Variants in ZNF71 observed in about 807,000 individuals in gnomAD.
ZNF71 encodes zinc finger protein 71.
In ZNF71, 3 loss-of-function variants were observed where a neutral mutation model predicts 6.7. The observed-to-expected ratio is 0.45, with a 90% CI of 0.20 to 1.16. The LOEUF is 1.16. ZNF71 is among the 50% of genes most tolerant of loss of function. The probability of loss-of-function intolerance (pLI) is 0.25; values close to 1 mark genes in which losing one functional copy is unlikely to be tolerated. For missense variants in ZNF71, 688 were observed against 728.6 expected (o/e 0.94, Z 0.64); for synonymous variants, 343 against 311.1 (o/e 1.10, Z -1.08).
chr19:56,600,864 G>A (rs1211457056), intron 1 of ZNF71, among the ~76,000 whole-genome samples: 2 of 152,120 alleles, frequency 1.3e-5, no homozygotes, highest in East Asian at 1.9e-4. Flanking sequence ...TTCTCTAGGC[G>A]AATCTGGCTC....
In ZNF71 at chr19:56,622,202, G is replaced by A. The variant is rs1282565243; in HGVS notation, c.1095G>A (p.Lys365=). 19 of 1,613,938 alleles carry A rather than the reference G, an allele frequency of 1.2e-5. No individual in the cohort carries two copies. Among genetic ancestry groups the A allele is most frequent in the Non-Finnish European group, 1.6e-5 (19 of 1,179,930 alleles). ...EKPYACKECG[K]AFNKSSSLTL... ...CGTACGCCTGCAAGGAGTGCGGCAA[G>A]GCCTTCAACAAGAGCTCCTCGCTCA... Residue 365 remains lysine, a synonymous_variant, in exon 4 of 4, where the codon AAG becomes AAA. Transcript: ENST00000599599.
chr19:56,621,572 C>T lies in ZNF71; in HGVS notation c.465C>T (p.Asp155=). Residue 155 remains aspartate (D), a synonymous_variant, in exon 4 of 4, where the codon GAC becomes GAT. Coordinates refer to ENST00000599599, the MANE Select transcript of ZNF71 (RefSeq NM_001370215.1). ...TCCTGGTCCCACCACGGCTGGACGA[C>T]CCCACAGAAAAGGGGGCCTGTCCAC... ...GCVLVPPRLD[D]PTEKGACPPV... 5 of 1,614,196 alleles carry T rather than the reference C, an allele frequency of 3.1e-6. No homozygotes were observed. The highest frequency in any genetic ancestry group is 4.2e-6 in the Non-Finnish European group (5 of 1,180,022).
At chr19:56,607,677 C>G (rs1195986023) in intron 2 of ZNF71, among the ~76,000 whole-genome samples, 1 of 149,892 alleles carries the variant, frequency 6.7e-6, no homozygotes, top group East Asian at 1.9e-4. Context: ...CCTTAAGACA[C>G]TGCACTGTCT....
In ZNF71 at chr19:56,621,996, A is replaced by G. The variant is rs1171023575; in HGVS notation, c.889A>G (p.Thr297Ala). The change falls in exon 4 of 4, where the codon ACG becomes GCG. Residue 297 changes from threonine to alanine, a missense_variant. Thr to Ala is a moderately conservative substitution (Grantham distance 58, BLOSUM62 0). Transcript: ENST00000599599. ...SSLTQHERIH[T>A]GEKPYACGDC... ...TCTCACCCAGCACGAGCGGATCCAC[A>G]CGGGGGAGAAGCCCTACGCGTGCGG... The G allele has an allele frequency of 1.2e-6, 2 of 1,606,924 alleles. No homozygotes were observed. Among genetic ancestry groups the G allele is most frequent in the African/African-American group, 2.8e-5 (2 of 71,574 alleles).
chr19:56,601,612 ACTCT>A (rs2044671330), intron 2 of ZNF71, 21 bp downstream of exon 2: 2 of 984,368 alleles, frequency 2.0e-6, no homozygotes, highest in African/African-American at 3.5e-5. Context: ...TTGCCCTGTC[ACTCT>A]CCTTTCCAAA....
At chr19:56,599,691 G>GTTT (rs546787830) in intron 1 of ZNF71, among the ~76,000 whole-genome samples, 1 of 143,688 alleles carries the variant, frequency 7.0e-6, no homozygotes. Context: ...CATTTTTAGT[G>GTTT]TTTTGTTTTT....
Position 56,623,399 on chromosome 19 carries a change from G to A in ZNF71, c.*642G>A, listed in dbSNP as rs147039207. The A allele has an allele frequency of 4.8e-5, 8 of 167,086 alleles. No individual in the cohort carries two copies. In the East Asian group the frequency reaches 5.8e-4, roughly 12 times the overall value. 10.4% of individuals were successfully genotyped at this position (167,086 alleles called of 1,614,324 possible). Reference sequence around the variant, plus strand: ...AAAGTTTCTTAGAGTGGTCTGTTACGTTTTTTAAAAATAAAACTTTTAATT... The same window carrying A: ...AAAGTTTCTTAGAGTGGTCTGTTACATTTTTTAAAAATAAAACTTTTAATT... On this transcript the variant is annotated 3_prime_UTR_variant, in exon 4 of 4. Transcript: ENST00000599599.
In ZNF71 at chr19:56,621,347, G is replaced by C; in HGVS notation, c.240G>C (p.Glu80Asp). ...ISEDKLSVVG[E>D]ATGGPTRNGA... ...AAGACAAGCTCTCCGTTGTTGGGGA[G>C]GCCACGGGGGGACCCACGAGGAATG... The change falls in exon 4 of 4, where the codon GAG becomes GAC. Residue 80 changes from glutamate (E) to aspartate (D), a missense_variant. Transcript: ENST00000599599. 6.4e-7 allele frequency: 1 copy of C among 1,560,966 alleles called. No individual in the cohort carries two copies. Among genetic ancestry groups the C allele is most frequent in the South Asian group, 1.2e-5 (1 of 82,404 alleles).
chr19:56,619,121 C>T (rs1030183758), intron 3 of ZNF71, among the ~76,000 whole-genome samples: 1 of 152,086 alleles, frequency 6.6e-6, no homozygotes, highest in African/African-American at 2.4e-5. Flanking sequence ...CTCTCTAAAA[C>T]AATTTTTTAA....
At chr19:56,621,096 C>G (rs1230305417) in intron 3 of ZNF71, among the ~76,000 whole-genome samples, 172 bp from the exon 4 acceptor site, 2 of 152,210 alleles carry the variant, frequency 1.3e-5, no homozygotes, top group African/African-American at 2.4e-5. Context: ...GGCCTCAGTT[C>G]CATGCCTCCC....
At chr19:56,616,753 C>G (rs980750755) in intron 3 of ZNF71, among the ~76,000 whole-genome samples, 1 of 152,196 alleles carries the variant, frequency 6.6e-6, no homozygotes, top group Non-Finnish European at 1.5e-5. Flanking sequence ...GGTCTCTCAG[C>G]TCTGTCTCCT....
Position 56,621,970 on chromosome 19 carries a change from C to G in ZNF71, c.863C>G (p.Ser288Cys), listed in dbSNP as rs777743310. Residue 288 changes from serine (S) to cysteine (C), a missense_variant, in exon 4 of 4, where the codon TCT becomes TGT. By Grantham distance (112) the Ser-to-Cys change is moderately radical (BLOSUM62 -1). Transcript: ENST00000599599. ...GGCAAGGCCTTCCGGAAGACTTCCTCTCTCACCCAGCACGAGCGGATCCAC... is the reference window on the plus strand; with the variant it reads ...GGCAAGGCCTTCCGGAAGACTTCCTGTCTCACCCAGCACGAGCGGATCCAC... ...VCGKAFRKTS[S>C]LTQHERIHTG... 5 of 1,605,986 alleles carry G rather than the reference C, an allele frequency of 3.1e-6. No homozygotes were observed. In the African/African-American group the frequency reaches 7.0e-5, roughly 23 times the overall value.
chr19:56,619,859 T>C lies in ZNF71; in HGVS notation c.161-1409T>C, dbSNP rs8110970. On this transcript the variant is annotated intron_variant, in intron 3 of 3. Coordinates refer to ENST00000599599, the MANE Select transcript of ZNF71 (RefSeq NM_001370215.1). ...CTAGCAGCCACATGGACAGCAACTT[T>C]TAAATGCTGGGAATGAGTCCCCTGA... Among the ~76,000 whole-genome samples, 1,504 of 152,268 alleles carry C rather than the reference T, an allele frequency of 9.9e-3. 23 individuals are homozygous for C. The highest frequency in any genetic ancestry group is 0.034 in the African/African-American group (1,431 of 41,544).
intron 2 of ZNF71, among the ~76,000 whole-genome samples, chr19:56,612,962 G>A (rs1408338117): frequency 6.6e-6 from 1 of 152,056 alleles, no homozygotes; most frequent in Non-Finnish European, 1.5e-5. Flanking sequence ...TGAATTGGAG[G>A]GGCTCATAAT....
At position 56,613,887 on chromosome 19, in the gene ZNF71, G is replaced by A. The variant is rs2044770501; in HGVS notation, c.109G>A (p.Asp37Asn). Residue 37 changes from aspartate (D) to asparagine (N), a missense_variant, in exon 3 of 4, where the codon GAC becomes AAC. Physicochemically the swap from Asp to Asn is conservative, Grantham distance 23. Transcript: ENST00000599599. The surrounding 1 kb of genome is among the most constrained non-coding windows in gnomAD (Gnocchi z 4.6). Reference protein sequence around the residue: ...EWQQLEPAQKDLYRDVMLENY... With the variant: ...EWQQLEPAQKNLYRDVMLENY... ...GCAGCAGCTGGAGCCTGCCCAGAAG[G>A]ACCTGTACAGGGATGTCATGCTGGA... 1 of 1,110,796 alleles carries A rather than the reference G, an allele frequency of 9.0e-7. No homozygotes were observed. The highest frequency in any genetic ancestry group is 1.1e-6 in the Non-Finnish European group (1 of 893,460). The allele number at this position is 1,110,796 out of a possible 1,614,324, so 68.8% of individuals were successfully genotyped here. A position where few individuals can be genotyped will look rare whatever the true frequency, so the allele number is the denominator to read the frequency against.
At chr19:56,607,847 A>G (rs2044721664) in intron 2 of ZNF71, among the ~76,000 whole-genome samples, 1 of 152,188 alleles carries the variant, frequency 6.6e-6, no homozygotes, top group Admixed American at 6.5e-5. Context: ...GCTGTGGCTC[A>G]AGATCTTCAG....
At chr19:56,597,681 C>T (rs73934484) in intron 1 of ZNF71, among the ~76,000 whole-genome samples, 38,749 of 152,238 alleles carry the variant, frequency 0.25, 5,214 homozygotes, top group Admixed American at 0.34. Context: ...ACCCTACCCT[C>T]GATTTGATTC....
intron 3 of ZNF71, among the ~76,000 whole-genome samples, chr19:56,619,320 C>T (rs1030213499): frequency 2.6e-5 from 4 of 152,084 alleles, no homozygotes; most frequent in African/African-American, 9.7e-5. Context: ...CCAACTCCCA[C>T]CCACTCCTCA....
intron 1 of ZNF71, among the ~76,000 whole-genome samples, chr19:56,599,806 T>G (rs970846605): frequency 1.6e-4 from 24 of 151,130 alleles, no homozygotes; most frequent in Non-Finnish European, 3.2e-4. Flanking sequence ...CCATTCTCCT[T>G]CCTCAGCCTC....
Sources: allele counts gnomAD v4.1 joint callset (sites outside exome capture counted in the v4.1 genomes callset), GRCh38; gene constraint gnomAD v4.1.1; non-coding constraint Gnocchi (gnomAD v3.1); transcripts MANE v1.5; gene names NCBI Gene and HGNC (gene_info 2026-07-23, HGNC 2026-07-21).